FILIP1L: variants seen among roughly 807,000 people sequenced by gnomAD.
FILIP1L encodes the protein filamin A interacting protein 1 like.
Under a neutral mutation model 96.6 loss-of-function variants are expected in FILIP1L, and 55 were observed. The observed-to-expected ratio is 0.57, with a 90% CI of 0.46 to 0.71. FILIP1L has a LOEUF of 0.71. Ranked by LOEUF, FILIP1L falls within the 30% of genes least tolerant of loss-of-function variation. The pLI is 0.00. For missense variants in FILIP1L, 1,304 were observed against 1,321.2 expected (o/e 0.99, Z 0.20); for synonymous variants, 467 against 473.9 (o/e 0.99, Z 0.19).
intron 1 of FILIP1L, among the ~76,000 whole-genome samples, chr3:99,987,988 C>G (rs571192780): frequency 6.6e-6 from 1 of 152,164 alleles, no homozygotes; most frequent in South Asian, 2.1e-4. Context: ...AAGAATAGCT[C>G]TTTTTTCTCT....
At chr3:100,056,365 G>A (rs2065463666) in intron 1 of FILIP1L, among the ~76,000 whole-genome samples, 1 of 151,978 alleles carries the variant, frequency 6.6e-6, no homozygotes, top group South Asian at 2.1e-4. Context: ...AATTTCTATG[G>A]GAGGCTTTTT....
intron 1 of FILIP1L, among the ~76,000 whole-genome samples, chr3:99,957,187 A>G (rs1252511183): frequency 6.6e-6 from 1 of 152,252 alleles, no homozygotes; most frequent in East Asian, 1.9e-4. Flanking sequence ...AACATTCATC[A>G]GGGTGATCTG....
chr3:100,039,255 CA>C (rs1478868566), intron 1 of FILIP1L, among the ~76,000 whole-genome samples: 2 of 152,242 alleles, frequency 1.3e-5, no homozygotes, highest in Middle Eastern at 3.4e-3. Context: ...AACTTGACCT[CA>C]AAAAACTGAG....
intron 1 of FILIP1L, among the ~76,000 whole-genome samples, chr3:100,007,802 T>C (rs7610759): frequency 0.83 from 125,672 of 152,162 alleles, 51,948 homozygotes; most frequent in East Asian, 0.88. Flanking sequence ...TATCTAGTGG[T>C]AACAGGGAAT....
intron 1 of FILIP1L, chr3:100,025,300 G>A (rs2064897978): frequency 6.6e-6 from 1 of 152,156 alleles, no homozygotes. Flanking sequence ...CTGCTTTTGG[G>A]TTTGAGCCAG....
At chr3:100,066,168 C>G (rs1230376582) in intron 1 of FILIP1L, among the ~76,000 whole-genome samples, 6 of 152,162 alleles carry the variant, frequency 3.9e-5, no homozygotes, top group Admixed American at 3.3e-4. Context: ...TTTCTGATAG[C>G]TAAGAGCTGA....
At chr3:100,006,230 G>GT (rs1379923683) in intron 1 of FILIP1L, among the ~76,000 whole-genome samples, 1 of 152,062 alleles carries the variant, frequency 6.6e-6, no homozygotes, top group Non-Finnish European at 1.5e-5. Flanking sequence ...AACCCAAACT[G>GT]TTTTCCCCAG....
rs1559659271 is a variant in FILIP1L, at chr3:99,851,065, T to C, written c.611A>G (p.Lys204Arg). ...CLLEQECERL[K>R]KLIDQEIKSQ... ...CTTGATTTCTTGATCAATTAGCTTC[T>C]TTAATCTGAAAAATGTAAAGTGCAT... Residue 204 changes from lysine (K) to arginine (R), a missense_variant, in exon 5 of 6, where the codon AAG becomes AGG. Transcript: ENST00000477258. The C allele has an allele frequency of 6.3e-7, 1 of 1,577,180 alleles. No individual in the cohort carries two copies. The highest frequency in any genetic ancestry group is 8.6e-7 in the Non-Finnish European group (1 of 1,168,152).
intron 5 of FILIP1L, among the ~76,000 whole-genome samples, chr3:99,832,702 G>A (rs1385439445): frequency 7.7e-6 from 1 of 130,632 alleles, no homozygotes; most frequent in Non-Finnish European, 1.6e-5. Context: ...ACAGCCGGGC[G>A]TCGTGGCGCA....
chr3:99,940,954 G>T (rs991861047), intron 1 of FILIP1L, among the ~76,000 whole-genome samples: 3 of 152,212 alleles, frequency 2.0e-5, no homozygotes, highest in Non-Finnish European at 4.4e-5. Flanking sequence ...CTCTTAAAGC[G>T]CCTTGGGCTA....
At chr3:100,035,693 G>A (rs1576659539) in intron 1 of FILIP1L, among the ~76,000 whole-genome samples, 1 of 152,152 alleles carries the variant, frequency 6.6e-6, no homozygotes, top group Non-Finnish European at 1.5e-5. Context: ...TTCTGATATA[G>A]GGGTATTTCT....
At chr3:100,026,318 A>C (rs2064920357) in intron 1 of FILIP1L, among the ~76,000 whole-genome samples, 1 of 152,128 alleles carries the variant, frequency 6.6e-6, no homozygotes, top group Non-Finnish European at 1.5e-5. Context: ...CAGGGATCCT[A>C]AACTCAAGCT....
At chr3:99,846,061 T>C (rs747869864) in intron 5 of FILIP1L, among the ~76,000 whole-genome samples, 1 of 152,188 alleles carries the variant, frequency 6.6e-6, no homozygotes, top group Non-Finnish European at 1.5e-5. Flanking sequence ...AGAAATTGAA[T>C]CCTTTCAAAA....
rs529155766 is a variant in FILIP1L, at chr3:100,102,073, A to G, written c.-11+11980T>C. Among the ~76,000 whole-genome samples the G allele has an allele frequency of 3.3e-5, 5 of 152,344 alleles. No homozygotes were observed. In the South Asian group the frequency reaches 1.0e-3, roughly 32 times the overall value. ...CTTTGCTATTGTGAATAGTGCCACA[A>G]TAAACATACGTGTGCATGTGTCTTT... On this transcript the variant is annotated intron_variant, in intron 1 of 5. Coordinates refer to ENST00000477258, the MANE Select transcript of FILIP1L (RefSeq NM_001387850.1).
At chr3:99,995,234 C>G (rs1179887878) in intron 1 of FILIP1L, among the ~76,000 whole-genome samples, 2 of 152,088 alleles carry the variant, frequency 1.3e-5, no homozygotes, top group Admixed American at 6.5e-5. Context: ...TTGGCCAAAA[C>G]AAAGGGGCTA....
At chr3:99,998,998 T>C (rs967788844) in intron 1 of FILIP1L, among the ~76,000 whole-genome samples, 3 of 152,218 alleles carry the variant, frequency 2.0e-5, no homozygotes, top group Admixed American at 6.5e-5. Context: ...GGTTTATTCT[T>C]TAATACTTAG....
intron 5 of FILIP1L, among the ~76,000 whole-genome samples, chr3:99,836,394 C>T (rs374931211): frequency 5.3e-5 from 8 of 152,104 alleles, no homozygotes; most frequent in East Asian, 3.9e-4. Context: ...GGGTTATGGG[C>T]GCATGCTAAG....
chr3:99,918,672 C>A (rs921823286), intron 4 of FILIP1L, among the ~76,000 whole-genome samples: 2 of 152,148 alleles, frequency 1.3e-5, no homozygotes, highest in African/African-American at 4.8e-5. Context: ...TCATGATGGA[C>A]GGTCCTAAAT....
intron 1 of FILIP1L, among the ~76,000 whole-genome samples, chr3:99,987,671 C>T (rs1190937524): frequency 6.6e-6 from 1 of 152,054 alleles, no homozygotes; most frequent in African/African-American, 2.4e-5. Flanking sequence ...CTGTTATTAA[C>T]ATGACCCAAA....
Sources: gnomAD v4.1 joint callset for allele counts (sites outside exome capture counted in the v4.1 genomes callset) on GRCh38, gnomAD v4.1.1 for gene constraint, MANE v1.5 for transcripts, NCBI Gene and HGNC (gene_info 2026-07-23, HGNC 2026-07-21) for gene names.